Variants in CISD1 observed in about 807,000 individuals in gnomAD.
The protein encoded by CISD1 is CDGSH iron sulfur domain 1.
Under a neutral mutation model 12.0 loss-of-function variants are expected in CISD1, and 8 were observed. The observed-to-expected ratio is 0.67, with a 90% CI of 0.39 to 1.20. The LOEUF (loss-of-function observed/expected upper bound fraction) is 1.20. Among genes scored for constraint, CISD1 ranks in the 50% most tolerant of loss-of-function variants. The pLI, the probability that CISD1 is intolerant of heterozygous loss-of-function variation, is 0.01. For synonymous variants in CISD1, 38 were observed against 42.2 expected (o/e 0.90, Z 0.39); for missense variants, 107 against 132.7 (o/e 0.81, Z 0.95).
intron 2 of CISD1, among the ~76,000 whole-genome samples, chr10:58,285,636 AATT>A (rs1839420523): frequency 6.6e-6 from 1 of 152,202 alleles, no homozygotes; most frequent in African/African-American, 2.4e-5. Context: ...AATTACTGAT[AATT>A]ATTCCTTCTA....
intron 1 of CISD1, among the ~76,000 whole-genome samples, chr10:58,270,769 A>T (rs796490139): frequency 1.2e-4 from 18 of 152,342 alleles, no homozygotes; most frequent in African/African-American, 4.1e-4. Flanking sequence ...AGGGGAATTC[A>T]AAGGCAACTT....
At chr10:58,280,268 T>G (rs1424109108) in intron 2 of CISD1, among the ~76,000 whole-genome samples, 1 of 151,990 alleles carries the variant, frequency 6.6e-6, no homozygotes, top group Non-Finnish European at 1.5e-5. Context: ...TTGACAGGGG[T>G]TTCAAACATA....
chr10:58,289,284 TCTAAC>T lies in CISD1; in HGVS notation c.*1635_*1639del, dbSNP rs990441548. 1.3e-5 allele frequency: 2 copies of T among 152,238 alleles called. No homozygotes were observed. The highest frequency in any genetic ancestry group is 2.9e-5 in the Non-Finnish European group (2 of 67,932). 9.4% of individuals were successfully genotyped at this position (152,238 alleles called of 1,614,324 possible). On this transcript the variant is annotated 3_prime_UTR_variant, in exon 3 of 3. Coordinates refer to ENST00000333926, the MANE Select transcript of CISD1 (RefSeq NM_018464.5). ...AGTGTTTCTGATAAAGGGACATCCT[TCTAAC>T]TTAACAGACTATTCTTTATCTTGAA...
Position 58,287,565 on chromosome 10 carries a change from C to A in CISD1, c.242C>A (p.Pro81Gln). The change falls in exon 3 of 3, where the codon CCA becomes CAA. Residue 81 changes from proline (P) to glutamine (Q), a missense_variant. Transcript: ENST00000333926. ...YCRCWRSKKF[P>Q]FCDGAHTKHN... ...ATTCATTCTTTCTCTTCCTAGTTCC[C>A]ATTCTGTGATGGGGCTCACACAAAA... is the stretch of plus-strand genomic sequence containing the variant. 6.2e-7 allele frequency: 1 copy of A among 1,602,398 alleles called. No homozygotes were observed. The highest frequency in any genetic ancestry group is 8.5e-7 in the Non-Finnish European group (1 of 1,172,114).
At chr10:58,284,447 G>A (rs960577483) in intron 2 of CISD1, among the ~76,000 whole-genome samples, 1 of 151,978 alleles carries the variant, frequency 6.6e-6, no homozygotes, top group African/African-American at 2.4e-5. Context: ...TAAAAAATAC[G>A]TCTCTGCACA....
chr10:58,285,759 A>C (rs1477659472), intron 2 of CISD1, among the ~76,000 whole-genome samples: 1 of 152,220 alleles, frequency 6.6e-6, no homozygotes, highest in African/African-American at 2.4e-5. Flanking sequence ...GAATGTTCAG[A>C]TATGAAAATA....
intron 1 of CISD1, among the ~76,000 whole-genome samples, chr10:58,272,055 T>A (rs1839255879): frequency 6.6e-6 from 1 of 152,190 alleles, no homozygotes; most frequent in Admixed American, 6.5e-5. Context: ...CCCTTTCTCT[T>A]CTATTTGCAA....
chr10:58,277,264 T>C lies in CISD1; in HGVS notation c.179T>C (p.Phe60Ser). The C allele has an allele frequency of 6.2e-7, 1 of 1,611,960 alleles. No homozygotes were observed. The highest frequency in any genetic ancestry group is 8.5e-7 in the Non-Finnish European group (1 of 1,179,108). The change falls in exon 2 of 3, where the codon TTT (phenylalanine) becomes TCT (serine). Residue 60 changes from phenylalanine (F) to serine (S), a missense_variant. Transcript: ENST00000333926. ...QKDNPKIVHA[F>S]DMEDLGDKAV... is the part of the protein sequence containing the mutation. ...GACAACCCCAAGATAGTACATGCTTTTGACATGGAGGATTTGGGAGATAAA... is the reference window on the plus strand; with the variant it reads ...GACAACCCCAAGATAGTACATGCTTCTGACATGGAGGATTTGGGAGATAAA...
At chr10:58,279,327 A>C (rs1839349733) in intron 2 of CISD1, among the ~76,000 whole-genome samples, 2 of 152,166 alleles carry the variant, frequency 1.3e-5, no homozygotes, top group Admixed American at 6.5e-5. Context: ...AAGTTGAAAA[A>C]ATCTGAAATC....
intron 2 of CISD1, among the ~76,000 whole-genome samples, chr10:58,280,978 A>G (rs1041283845): frequency 6.6e-6 from 1 of 152,256 alleles, no homozygotes; most frequent in African/African-American, 2.4e-5. Flanking sequence ...ACAGAAGTCT[A>G]TGTCATATTT....
intron 2 of CISD1, among the ~76,000 whole-genome samples, chr10:58,280,688 T>C (rs1839364240): frequency 6.6e-6 from 1 of 152,160 alleles, no homozygotes; most frequent in South Asian, 2.1e-4. Context: ...TATGAAATCT[T>C]GGGGAATTTT....
chr10:58,283,281 A>G (rs1839393213), intron 2 of CISD1, among the ~76,000 whole-genome samples: 1 of 152,176 alleles, frequency 6.6e-6, no homozygotes, highest in Non-Finnish European at 1.5e-5. Context: ...CAATCCACAT[A>G]AAGACAGTCT....
intron 2 of CISD1, among the ~76,000 whole-genome samples, chr10:58,279,051 T>C (rs2132281138): frequency 6.6e-6 from 1 of 152,352 alleles, no homozygotes; most frequent in African/African-American, 2.4e-5. Flanking sequence ...TGATTGCTTA[T>C]CAGTAGCATA....
At chr10:58,273,931 C>G (rs1839279529) in intron 1 of CISD1, among the ~76,000 whole-genome samples, 2 of 152,208 alleles carry the variant, frequency 1.3e-5, no homozygotes, top group Admixed American at 6.5e-5. Flanking sequence ...GTCAGGAGTT[C>G]AAGACCGGCC....
intron 2 of CISD1, among the ~76,000 whole-genome samples, chr10:58,281,448 C>A (rs1055101877): frequency 6.6e-6 from 1 of 152,274 alleles, no homozygotes; most frequent in South Asian, 2.1e-4. Flanking sequence ...ATTTTCATTG[C>A]ATCTTGGGCA....
intron 2 of CISD1, among the ~76,000 whole-genome samples, chr10:58,283,786 T>C (rs1229195033): frequency 6.6e-6 from 1 of 152,208 alleles, no homozygotes; most frequent in African/African-American, 2.4e-5. Flanking sequence ...CTTTTAAAGA[T>C]ATTTGGGATT....
rs199854390 is a variant in CISD1 at position 58,282,266 on chromosome 10, A to G, written c.237+4944A>G. 3.3e-5 allele frequency among the ~76,000 whole-genome samples: 5 copies of G among 151,998 alleles called. No individual in the cohort carries two copies. The East Asian group carries it at 9.6e-4, about 29-fold the overall frequency. On this transcript the variant is annotated intron_variant, in intron 2 of 2. Transcript: ENST00000333926. ...TGTCATCCACTGTGTCCGGCCCAGA[A>G]ATTGGTTTATTTTATAGTACAGGCT...
At chr10:58,283,536 G>A (rs548376755) in intron 2 of CISD1, among the ~76,000 whole-genome samples, 11 of 152,294 alleles carry the variant, frequency 7.2e-5, no homozygotes, top group South Asian at 6.2e-4. Context: ...TACAAAGTAC[G>A]AAGTTCAGAG....
intron 2 of CISD1, among the ~76,000 whole-genome samples, chr10:58,278,779 C>T (rs558506714): frequency 1.3e-5 from 2 of 152,056 alleles, no homozygotes; most frequent in Non-Finnish European, 2.9e-5. Context: ...ATATTTTGAA[C>T]ACTGACATGA....
Sources: gnomAD v4.1 joint callset for allele counts (sites outside exome capture counted in the v4.1 genomes callset) on GRCh38, gnomAD v4.1.1 for gene constraint, MANE v1.5 for transcripts, NCBI Gene and HGNC (gene_info 2026-07-23, HGNC 2026-07-21) for gene names.